FBXW8: variants seen among roughly 807,000 people sequenced by gnomAD.
FBXW8 encodes F-box/WD repeat-containing protein 8.
FBXW8 carries 57 observed loss-of-function variants against 65.3 expected under a neutral mutation model. The observed-to-expected ratio is 0.87, with a 90% confidence interval of 0.71 to 1.09. FBXW8 has a LOEUF of 1.09. Ranked by LOEUF, FBXW8 falls within the 50% of genes least tolerant of loss-of-function variation. The pLI is 0.00. For synonymous variants in FBXW8, 308 were observed against 330.2 expected (o/e 0.93, Z 0.73); for missense variants, 777 against 814.8 (o/e 0.95, Z 0.57).
At chr12:116,984,150 GA>G (rs1348038416) in intron 5 of FBXW8, among the ~76,000 whole-genome samples, 1 of 152,168 alleles carries the variant, frequency 6.6e-6, no homozygotes, top group Non-Finnish European at 1.5e-5. Flanking sequence ...ATGATAAAAA[GA>G]AATTATTTTT....
chr12:116,964,391 G>A (rs1236439095), intron 4 of FBXW8, among the ~76,000 whole-genome samples: 1 of 152,244 alleles, frequency 6.6e-6, no homozygotes, highest in Non-Finnish European at 1.5e-5. Context: ...GGGAGAGCTT[G>A]CAGGAGCAGA....
intron 4 of FBXW8, among the ~76,000 whole-genome samples, chr12:116,956,821 A>T (rs918046329): frequency 6.6e-6 from 1 of 151,852 alleles, no homozygotes; most frequent in Non-Finnish European, 1.5e-5. Context: ...TAGAAAAATT[A>T]GCTGGGCATG....
Position 117,020,095 on chromosome 12 carries a change from G to A in FBXW8, c.1368-4052G>A, listed in dbSNP as rs372741448. On this transcript the variant is annotated intron_variant, in intron 8 of 10. Coordinates refer to ENST00000652555, the MANE Select transcript of FBXW8 (RefSeq NM_153348.3). ...TCCCCCAGCACACACCTGTGCGCAC[G>A]GCTGCCAGTCAGCCTGTGTAGTTCT... Among the ~76,000 whole-genome samples the A allele has an allele frequency of 5.3e-5, 8 of 152,266 alleles. No individual in the cohort carries two copies. The East Asian group carries it at 5.8e-4, about 11-fold the overall frequency.
At chr12:117,007,370 A>T (rs1953702656) in intron 7 of FBXW8, among the ~76,000 whole-genome samples, 1 of 152,166 alleles carries the variant, frequency 6.6e-6, no homozygotes, top group Non-Finnish European at 1.5e-5. Context: ...AAAGAGGAGG[A>T]AAAATTCTTC....
intron 5 of FBXW8, among the ~76,000 whole-genome samples, chr12:116,965,489 T>C (rs1396959493): frequency 6.6e-6 from 1 of 152,188 alleles, no homozygotes; most frequent in Non-Finnish European, 1.5e-5. Flanking sequence ...TCAATGGCCA[T>C]GATATCCAGT....
At chr12:117,024,016 T>C (rs940776115) in intron 8 of FBXW8, 131 bp from the exon 9 acceptor site, 12 of 830,352 alleles carry the variant, frequency 1.4e-5, no homozygotes, top group Non-Finnish European at 2.2e-5. Context: ...TTATTATCGA[T>C]GTTTGTTTGC....
intron 4 of FBXW8, among the ~76,000 whole-genome samples, chr12:116,962,700 C>T (rs898938798): frequency 6.6e-6 from 1 of 152,228 alleles, no homozygotes; most frequent in African/African-American, 2.4e-5. Flanking sequence ...CCATCCTTCT[C>T]ATCTTTCCTG....
rs1403185868 is a variant in FBXW8, at chr12:117,030,268, T to G, written c.*2096T>G. On this transcript the variant is annotated 3_prime_UTR_variant, in exon 11 of 11. Transcript: ENST00000652555. ...AGCGTCACCTTCCCGTCCAGAGCGCTTTCTTTCAGACCCTGCCTACCTGCA... is the reference window on the plus strand; with the variant it reads ...AGCGTCACCTTCCCGTCCAGAGCGCGTTCTTTCAGACCCTGCCTACCTGCA... 1.3e-5 allele frequency: 2 copies of G among 152,204 alleles called. No individual in the cohort carries two copies. The highest frequency in any genetic ancestry group is 1.3e-4 in the Admixed American group (2 of 15,280). 9.4% of individuals were successfully genotyped at this position (152,204 alleles called of 1,614,324 possible). A position where few individuals can be genotyped will look rare whatever the true frequency, so the allele number is the denominator to read the frequency against.
intron 8 of FBXW8, among the ~76,000 whole-genome samples, chr12:117,021,418 C>G (rs774291259): frequency 3.3e-5 from 5 of 152,120 alleles, no homozygotes; most frequent in Admixed American, 1.3e-4. Flanking sequence ...TTGTTCCCCC[C>G]AATAGGAAAA....
intron 7 of FBXW8, among the ~76,000 whole-genome samples, chr12:117,001,392 CA>C: frequency 6.6e-6 from 1 of 152,108 alleles, no homozygotes. Flanking sequence ...AACTTTGGGC[CA>C]AACTAGAAGT....
intron 5 of FBXW8, among the ~76,000 whole-genome samples, chr12:116,981,613 CT>C (rs58869433): frequency 0.58 from 84,277 of 146,456 alleles, 26,890 homozygotes; most frequent in East Asian, 0.76. Context: ...CTGTGAAGTT[CT>C]TTTTTTTTTT....
chr12:117,018,859 C>T (rs1462906069), intron 8 of FBXW8, among the ~76,000 whole-genome samples: 1 of 152,138 alleles, frequency 6.6e-6, no homozygotes, highest in East Asian at 1.9e-4. Context: ...TCCTTAACAG[C>T]CAAACTGTAA....
At chr12:116,924,286 T>C (rs1235133426) in intron 1 of FBXW8, among the ~76,000 whole-genome samples, 1 of 132,896 alleles carries the variant, frequency 7.5e-6, no homozygotes, top group Non-Finnish European at 1.5e-5. Context: ...TGATAGCATC[T>C]TTATTTATTT....
chr12:117,018,852 T>C (rs1034060089), intron 8 of FBXW8, among the ~76,000 whole-genome samples: 2 of 152,228 alleles, frequency 1.3e-5, no homozygotes, highest in Non-Finnish European at 2.9e-5. Context: ...CTTTGTCTCC[T>C]TAACAGCCAA....
At chr12:116,975,757 C>A (rs1021464039) in intron 5 of FBXW8, among the ~76,000 whole-genome samples, 2 of 152,096 alleles carry the variant, frequency 1.3e-5, no homozygotes, top group African/African-American at 4.8e-5. Context: ...AAACAGCAGA[C>A]AATTGAGAGG....
At chr12:116,999,808 A>G (rs1175265074) in intron 7 of FBXW8, among the ~76,000 whole-genome samples, 1 of 152,150 alleles carries the variant, frequency 6.6e-6, no homozygotes, top group Admixed American at 6.5e-5. Context: ...TCAATGTGCC[A>G]CATTCATTCC....
chr12:116,944,341 G>A (rs1882793335), intron 2 of FBXW8, among the ~76,000 whole-genome samples: 1 of 152,150 alleles, frequency 6.6e-6, no homozygotes. Context: ...CTAACTCTCT[G>A]TCAGTGCTTT....
chr12:117,016,904 C>T (rs1364845616), intron 8 of FBXW8, among the ~76,000 whole-genome samples: 1 of 152,192 alleles, frequency 6.6e-6, no homozygotes. Flanking sequence ...CTCCCCCATT[C>T]AATTGTCTTG....
chr12:117,017,958 G>A (rs1236500093), intron 8 of FBXW8, among the ~76,000 whole-genome samples: 1 of 152,156 alleles, frequency 6.6e-6, no homozygotes, highest in African/African-American at 2.4e-5. Flanking sequence ...TGCTACTGCT[G>A]CCTGCTGTTA....
Sources: allele counts gnomAD v4.1 joint callset (sites outside exome capture counted in the v4.1 genomes callset), GRCh38; gene constraint gnomAD v4.1.1; transcripts MANE v1.5; gene names NCBI Gene and HGNC (gene_info 2026-07-23, HGNC 2026-07-21).